FASLG: variants seen among roughly 807,000 people sequenced by gnomAD.
The protein encoded by FASLG is Fas ligand.
In FASLG, 9 loss-of-function variants were observed where a neutral mutation model predicts 24.6. That is an observed-to-expected ratio of 0.37 (90% CI 0.22 to 0.64). FASLG has a LOEUF of 0.64. Ranked by LOEUF, FASLG falls within the 30% of genes least tolerant of loss-of-function variation. The pLI, the probability that FASLG is intolerant of heterozygous loss-of-function variation, is 0.64. For synonymous variants in FASLG, 130 were observed against 135.5 expected (o/e 0.96, Z 0.28); for missense variants, 306 against 345.3 (o/e 0.89, Z 0.90).
chr1:172,661,551 C>T (rs978635289), intron 2 of FASLG, among the ~76,000 whole-genome samples: 1 of 152,162 alleles, frequency 6.6e-6, no homozygotes, highest in African/African-American at 2.4e-5. Flanking sequence ...ATTCATCTTT[C>T]ACCCACTCTC....
In FASLG at chr1:172,666,461, A is replaced by G. The variant is rs1175326253; in HGVS notation, c.*445A>G. ...GACTAGAGGCTTGCATAATAAGCTA[A>G]AGAGGCTGAAAGAGGCCAATGCCCC... On this transcript the variant is annotated 3_prime_UTR_variant, in exon 4 of 4. Transcript: ENST00000367721. 1.2e-5 allele frequency: 2 copies of G among 163,512 alleles called. No homozygotes were observed. Among genetic ancestry groups the G allele is most frequent in the African/African-American group, 4.8e-5 (2 of 41,674 alleles). 10.1% of individuals were successfully genotyped at this position (163,512 alleles called of 1,614,324 possible). A position where few individuals can be genotyped will look rare whatever the true frequency, so the allele number is the denominator to read the frequency against.
rs1421804102 is a variant in FASLG, at chr1:172,659,648, T to C, written c.348+99T>C. The C allele has an allele frequency of 1.1e-5, 16 of 1,478,598 alleles. No individual in the cohort carries two copies. In the Admixed American group the frequency reaches 4.2e-4, roughly 39 times the overall value. The allele number at this position is 1,478,598 out of a possible 1,614,324, so 91.6% of individuals were successfully genotyped here. ...GCAAAGTGCTTTTCAATCCTTTTTTTTTTTTTCTTAGAAATGGGTTGTTCT... is the reference window on the plus strand; with the variant it reads ...GCAAAGTGCTTTTCAATCCTTTTTTCTTTTTTCTTAGAAATGGGTTGTTCT... On this transcript the variant is annotated intron_variant, in intron 1 of 3. Coordinates refer to ENST00000367721, the MANE Select transcript of FASLG (RefSeq NM_000639.3).
In FASLG at chr1:172,661,396, G is replaced by C. The variant is rs571913422; in HGVS notation, c.394+1256G>C. Among the ~76,000 whole-genome samples, 38 of 152,236 alleles carry C rather than the reference G, an allele frequency of 2.5e-4. 1 individual carries two copies. The Middle Eastern group carries it at 0.014, about 55-fold the overall frequency. On this transcript the variant is annotated intron_variant, in intron 2 of 3. Coordinates refer to ENST00000367721, the MANE Select transcript of FASLG (RefSeq NM_000639.3). The stretch of plus-strand genomic sequence containing the variant: ...GGGATGCTCTGGCCCCTGCTTCTGT[G>C]TCCTAATCCTTAAATGTTAGAAAGT...
chr1:172,663,872 G>A (rs996903193), intron 2 of FASLG, among the ~76,000 whole-genome samples: 4 of 152,162 alleles, frequency 2.6e-5, no homozygotes, highest in Admixed American at 6.5e-5. Context: ...GAGAATCAGA[G>A]TGGACAGAGC....
Position 172,665,951 on chromosome 1 carries a change from G to C in FASLG, c.781G>C (p.Val261Leu). 6.2e-7 allele frequency: 1 copy of C among 1,613,774 alleles called. No homozygotes were observed. The highest frequency in any genetic ancestry group is 8.5e-7 in the Non-Finnish European group (1 of 1,179,786). The change falls in exon 4 of 4, where the codon GTA (valine) becomes CTA (leucine). Residue 261 changes from valine to leucine, a missense_variant. Physicochemically the swap from Val to Leu is conservative, Grantham distance 32 (BLOSUM62 1). Transcript: ENST00000367721. ...LTSADHLYVN[V>L]SELSLVNFEE... ...CAGTGCTGATCATTTATATGTCAACGTATCTGAGCTCTCTCTGGTCAATTT... is the reference window on the plus strand; with the variant it reads ...CAGTGCTGATCATTTATATGTCAACCTATCTGAGCTCTCTCTGGTCAATTT...
Position 172,666,257 on chromosome 1 carries a change from G to A in FASLG, c.*241G>A. On this transcript the variant is annotated 3_prime_UTR_variant, in exon 4 of 4. Coordinates refer to ENST00000367721, the MANE Select transcript of FASLG (RefSeq NM_000639.3). Reference sequence around the variant, plus strand: ...AACTCTGGGCTGCCATGTGAAGAGGGAGAAGCATGAAAAAGCAGCTACCAG... The same window carrying A: ...AACTCTGGGCTGCCATGTGAAGAGGAAGAAGCATGAAAAAGCAGCTACCAG... 1.9e-6 allele frequency: 1 copy of A among 539,358 alleles called. No individual in the cohort carries two copies. The highest frequency in any genetic ancestry group is 3.3e-6 in the Non-Finnish European group (1 of 301,186). 33.4% of individuals were successfully genotyped at this position (539,358 alleles called of 1,614,324 possible). A position where few individuals can be genotyped will look rare whatever the true frequency, so the allele number is the denominator to read the frequency against.
chr1:172,665,552 T>C (rs1309196723), intron 3 of FASLG, 70 bp from the exon 4 acceptor site: 30 of 1,575,392 alleles, frequency 1.9e-5, no homozygotes, highest in Non-Finnish European at 2.6e-5. Flanking sequence ...CCCACAGTTT[T>C]GCCTTAGAAA....
At chr1:172,660,231 C>T in intron 2 of FASLG, 91 bp downstream of exon 2, 1 of 1,323,134 alleles carries the variant, frequency 7.6e-7, no homozygotes. Context: ...CTGTCCCACA[C>T]TTTGGTTTCT....
intron 1 of FASLG, among the ~76,000 whole-genome samples, chr1:172,659,837 A>T (rs549044495): frequency 6.6e-6 from 1 of 152,182 alleles, no homozygotes; most frequent in Non-Finnish European, 1.5e-5. Flanking sequence ...GGAGTAAAAA[A>T]CAAACAAACA....
At position 172,659,189 on chromosome 1, in the gene FASLG, C is replaced by G. The variant is rs918627607; in HGVS notation, c.-13C>G. On this transcript the variant is annotated 5_prime_UTR_variant, in exon 1 of 4. Coordinates refer to ENST00000367721, the MANE Select transcript of FASLG (RefSeq NM_000639.3). ...AAACCGTTTGCTGGGGCTGGCCTGA[C>G]TCACCAGCTGCCATGCAGCAGCCCT... 6.2e-7 allele frequency: 1 copy of G among 1,614,096 alleles called. No individual in the cohort carries two copies. The highest frequency in any genetic ancestry group is 1.3e-5 in the African/African-American group (1 of 74,946).
intron 1 of FASLG, among the ~76,000 whole-genome samples, 195 bp from the exon 2 acceptor site, chr1:172,659,900 C>A (rs550196951): frequency 2.0e-4 from 31 of 152,250 alleles, no homozygotes; most frequent in Middle Eastern, 6.8e-3. Context: ...CAAACTAAAT[C>A]TTGAAAATTG....
Position 172,666,280 on chromosome 1 carries a change from C to G in FASLG, c.*264C>G. ...GGGAGAAGCATGAAAAAGCAGCTAC[C>G]AGGTGTTCTACACTCATCTTAGTGC... On this transcript the variant is annotated 3_prime_UTR_variant, in exon 4 of 4. Transcript: ENST00000367721. 1 of 491,340 alleles carries G rather than the reference C, an allele frequency of 2.0e-6. No homozygotes were observed. The highest frequency in any genetic ancestry group is 3.7e-6 in the Non-Finnish European group (1 of 269,722). 30.4% of individuals were successfully genotyped at this position (491,340 alleles called of 1,614,324 possible).
chr1:172,661,157 T>C (rs1054071367), intron 2 of FASLG, among the ~76,000 whole-genome samples: 3 of 152,148 alleles, frequency 2.0e-5, no homozygotes, highest in Non-Finnish European at 4.4e-5. Flanking sequence ...TGTCTCTCTG[T>C]AGTGAGCATG....
chr1:172,664,000 A>C (rs1326654516), intron 2 of FASLG, among the ~76,000 whole-genome samples: 1 of 152,192 alleles, frequency 6.6e-6, no homozygotes, highest in Non-Finnish European at 1.5e-5. Context: ...AGGTGGGACA[A>C]TAATACCTAC....
chr1:172,659,475 G>A lies in FASLG; in HGVS notation c.274G>A (p.Val92Ile). 1 of 1,614,020 alleles carries A rather than the reference G, an allele frequency of 6.2e-7. No homozygotes were observed. The highest frequency in any genetic ancestry group is 8.5e-7 in the Non-Finnish European group (1 of 1,179,970). The change falls in exon 1 of 4, where the codon GTT (valine) becomes ATT (isoleucine). Residue 92 changes from valine (V) to isoleucine (I), a missense_variant. Val to Ile is a conservative substitution (Grantham distance 29, BLOSUM62 3). Coordinates refer to ENST00000367721, the MANE Select transcript of FASLG (RefSeq NM_000639.3). ...CCTTGTGATGTTTTTCATGGTTCTG[G>A]TTGCCTTGGTAGGATTGGGCCTGGG... ...CLLVMFFMVL[V>I]ALVGLGLGMF...
In FASLG at chr1:172,665,788, C is replaced by T. The variant is rs1233604768; in HGVS notation, c.618C>T (p.Pro206=). Residue 206 remains proline, a synonymous_variant, in exon 4 of 4, where the codon CCC becomes CCT. Coordinates refer to ENST00000367721, the MANE Select transcript of FASLG (RefSeq NM_000639.3). ...GGGGTCAATCTTGCAACAACCTGCCCCTGAGCCACAAGGTCTACATGAGGA... is the reference window on the plus strand; with the variant it reads ...GGGGTCAATCTTGCAACAACCTGCCTCTGAGCCACAAGGTCTACATGAGGA... ...YFRGQSCNNL[P]LSHKVYMRNS... is the part of the protein sequence containing the mutation. 1.2e-6 allele frequency: 2 copies of T among 1,613,898 alleles called. No individual in the cohort carries two copies. The highest frequency in any genetic ancestry group is 1.7e-6 in the Non-Finnish European group (2 of 1,180,024).
rs1659280994 is a variant in FASLG at position 172,666,797 on chromosome 1, A to C, written c.*781A>C. On this transcript the variant is annotated 3_prime_UTR_variant, in exon 4 of 4. Coordinates refer to ENST00000367721, the MANE Select transcript of FASLG (RefSeq NM_000639.3). ...CAGCTACTAATGATGTTTTCCTATA[A>C]TATAATAAATATTTATGTAGATGTG... The C allele has an allele frequency of 6.6e-6, 1 of 152,540 alleles. No individual in the cohort carries two copies. Among genetic ancestry groups the C allele is most frequent in the Non-Finnish European group, 1.5e-5 (1 of 68,036 alleles). 9.4% of individuals were successfully genotyped at this position (152,540 alleles called of 1,614,324 possible).
rs1437636530 is a variant in FASLG at position 172,666,747 on chromosome 1, A to C, written c.*731A>C. ...GAATGCTTCCTGACAATCAACTCTA[A>C]TAGTGCTTAAAAATCATTGATTGTC... is the stretch of plus-strand genomic sequence containing the variant. On this transcript the variant is annotated 3_prime_UTR_variant, in exon 4 of 4. Coordinates refer to ENST00000367721, the MANE Select transcript of FASLG (RefSeq NM_000639.3). 6.5e-6 allele frequency: 1 copy of C among 152,704 alleles called. No individual in the cohort carries two copies. Among genetic ancestry groups the C allele is most frequent in the East Asian group, 1.9e-4 (1 of 5,338 alleles). 9.5% of individuals were successfully genotyped at this position (152,704 alleles called of 1,614,324 possible).
intron 2 of FASLG, among the ~76,000 whole-genome samples, chr1:172,662,262 A>G (rs1659158702): frequency 6.6e-6 from 1 of 152,108 alleles, no homozygotes; most frequent in Non-Finnish European, 1.5e-5. Flanking sequence ...GGAAAGTTTT[A>G]CACACTGACA....
Sources: allele counts gnomAD v4.1 joint callset (sites outside exome capture counted in the v4.1 genomes callset), GRCh38; gene constraint gnomAD v4.1.1; transcripts MANE v1.5; gene names NCBI Gene and HGNC (gene_info 2026-07-23, HGNC 2026-07-21).